Variants in HCN1 observed in about 807,000 individuals in gnomAD.
HCN1 encodes the protein potassium/sodium hyperpolarization-activated cyclic nucleotide-gated channel 1.
HCN1 carries 13 observed loss-of-function variants against 78.9 expected under a neutral mutation model. The ratio of observed to expected loss-of-function variants is 0.16; its 90% confidence interval spans 0.11 to 0.26. The LOEUF (loss-of-function observed/expected upper bound fraction) is 0.26, where lower values mean the gene tolerates loss of function less well. Ranked by LOEUF, HCN1 falls within the 10% of genes least tolerant of loss-of-function variation. The pLI, the probability that HCN1 is intolerant of heterozygous loss-of-function variation, is 1.00. For synonymous variants in HCN1, 552 were observed against 455.5 expected, an observed-to-expected ratio of 1.21 and a Z score of -2.70; for missense variants, 810 against 1,154.3, an observed-to-expected ratio of 0.70 and a Z score of 4.32.
chr5:45,277,337 G>T (rs1163129448), intron 6 of HCN1, among the ~76,000 whole-genome samples: 1 of 151,990 alleles, frequency 6.6e-6, no homozygotes, highest in African/African-American at 2.4e-5. Flanking sequence ...ATAATTTTGG[G>T]GAATTGATTG....
intron 2 of HCN1, among the ~76,000 whole-genome samples, chr5:45,503,404 GAAAC>G (rs901654073): frequency 7.9e-5 from 12 of 152,094 alleles, no homozygotes; most frequent in Non-Finnish European, 1.3e-4. Context: ...GAAAAAGAAA[GAAAC>G]AGAGACACAG....
At chr5:45,273,240 T>C (rs977949393) in intron 6 of HCN1, among the ~76,000 whole-genome samples, 1 of 152,114 alleles carries the variant, frequency 6.6e-6, no homozygotes. Context: ...TAATGCATCC[T>C]GTATAGGAAC....
intron 3 of HCN1, among the ~76,000 whole-genome samples, chr5:45,439,760 G>C (rs1370357639): frequency 6.6e-6 from 1 of 152,014 alleles, no homozygotes; most frequent in Admixed American, 6.5e-5. Context: ...TTTTAAAATA[G>C]CTAGCTAATG....
At chr5:45,626,987 T>C (rs1745175877) in intron 2 of HCN1, among the ~76,000 whole-genome samples, 1 of 151,712 alleles carries the variant, frequency 6.6e-6, no homozygotes, top group Non-Finnish European at 1.5e-5. Flanking sequence ...TATGTATATA[T>C]AACATGTATA....
At chr5:45,340,386 C>T (rs368201660) in intron 5 of HCN1, among the ~76,000 whole-genome samples, 3 of 152,170 alleles carry the variant, frequency 2.0e-5, no homozygotes, top group East Asian at 1.9e-4. Context: ...TGCAGTCTTT[C>T]AATGAGATTT....
chr5:45,394,698 C>T (rs1030468962), intron 4 of HCN1, among the ~76,000 whole-genome samples: 27 of 152,152 alleles, frequency 1.8e-4, no homozygotes, highest in African/African-American at 5.8e-4. Flanking sequence ...TGCCTGGAAT[C>T]CCAACTACTT....
At chr5:45,445,825 G>A (rs1377016189) in intron 3 of HCN1, among the ~76,000 whole-genome samples, 1 of 152,162 alleles carries the variant, frequency 6.6e-6, no homozygotes, top group Non-Finnish European at 1.5e-5. Flanking sequence ...GCAGCTGAGG[G>A]TCCTGTCTGT....
At chr5:45,343,528 C>T (rs150050679) in intron 5 of HCN1, among the ~76,000 whole-genome samples, 1 of 152,176 alleles carries the variant, frequency 6.6e-6, no homozygotes, top group Admixed American at 6.5e-5. Flanking sequence ...ATGTACAGAG[C>T]ACAGAAAGAA....
intron 7 of HCN1, among the ~76,000 whole-genome samples, chr5:45,266,704 ATTT>A (rs113257713): frequency 1.5e-5 from 2 of 136,636 alleles, no homozygotes; most frequent in East Asian, 2.1e-4. Context: ...GGCATGTGGG[ATTT>A]TTTTTTTTTT....
chr5:45,290,602 T>C (rs1745352746), intron 6 of HCN1, among the ~76,000 whole-genome samples: 1 of 152,090 alleles, frequency 6.6e-6, no homozygotes, highest in South Asian at 2.1e-4. Flanking sequence ...AAGAAAAGTT[T>C]GGGATTAGTT....
intron 5 of HCN1, among the ~76,000 whole-genome samples, chr5:45,341,881 C>T (rs1746589496): frequency 1.3e-5 from 2 of 152,194 alleles, no homozygotes; most frequent in South Asian, 4.1e-4. Context: ...TCACTCTGCT[C>T]ATCAAACAAG....
At chr5:45,371,560 C>A (rs933309240) in intron 4 of HCN1, among the ~76,000 whole-genome samples, 2 of 151,542 alleles carry the variant, frequency 1.3e-5, no homozygotes, top group South Asian at 2.1e-4. Flanking sequence ...AGTTTGAGAC[C>A]ATCCTGGACA....
chr5:45,376,299 T>C (rs1438437008), intron 4 of HCN1, among the ~76,000 whole-genome samples: 9 of 1,450 alleles, frequency 6.2e-3, no homozygotes, highest in Non-Finnish European at 0.014. Context: ...ATATATTGTA[T>C]TATATATAAA....
At chr5:45,560,106 T>G (rs1312141039) in intron 2 of HCN1, 1 of 152,146 alleles carries the variant, frequency 6.6e-6, no homozygotes, top group Non-Finnish European at 1.5e-5. Flanking sequence ...TACACGTAAC[T>G]TTTTTATATA....
chr5:45,595,612 T>C (rs1438506835), intron 2 of HCN1, among the ~76,000 whole-genome samples: 1 of 152,162 alleles, frequency 6.6e-6, no homozygotes, highest in Non-Finnish European at 1.5e-5. Context: ...AGTCTAAAGA[T>C]ATATTTAAGG....
chr5:45,452,291 T>C (rs1740934533), intron 3 of HCN1, among the ~76,000 whole-genome samples: 1 of 151,684 alleles, frequency 6.6e-6, no homozygotes, highest in South Asian at 2.1e-4. Flanking sequence ...CTGAGGCACC[T>C]AGCTGGTAAA....
At chr5:45,395,201 A>G (rs1739663629) in intron 4 of HCN1, among the ~76,000 whole-genome samples, 1 of 152,206 alleles carries the variant, frequency 6.6e-6, no homozygotes, top group African/African-American at 2.4e-5. Context: ...TAAAAGCAAC[A>G]TAAAATGAAA....
At chr5:45,515,510 C>G (rs1322304551) in intron 2 of HCN1, among the ~76,000 whole-genome samples, 1 of 151,944 alleles carries the variant, frequency 6.6e-6, no homozygotes, top group Non-Finnish European at 1.5e-5. Context: ...CACTTTTATT[C>G]TATGCAAACC....
intron 4 of HCN1, among the ~76,000 whole-genome samples, chr5:45,362,188 C>G (rs562600753): frequency 0.012 from 1,716 of 145,508 alleles, 34 homozygotes; most frequent in African/African-American, 0.044. Flanking sequence ...GTGTGTGTAT[C>G]TATCTATGTG....
Sources: allele counts gnomAD v4.1 joint callset (sites outside exome capture counted in the v4.1 genomes callset), GRCh38; gene constraint gnomAD v4.1.1; transcripts MANE v1.5; gene names NCBI Gene and HGNC (gene_info 2026-07-23, HGNC 2026-07-21).